Variants in CCNB3 observed in about 807,000 individuals in gnomAD.
The protein encoded by CCNB3 is G2/mitotic-specific cyclin-B3.
Under a neutral mutation model 68.0 loss-of-function variants are expected in CCNB3, and 12 were observed. The observed-to-expected ratio is 0.18, with a 90% CI of 0.11 to 0.29. CCNB3 has a LOEUF of 0.29. Ranked by LOEUF, CCNB3 falls within the 10% of genes least tolerant of loss-of-function variation. The probability of loss-of-function intolerance (pLI) is 1.00; values close to 1 mark genes in which losing one functional copy is unlikely to be tolerated. For missense variants in CCNB3, 904 were observed against 993.1 expected, an observed-to-expected ratio of 0.91 and a Z score of 1.21; for synonymous variants, 354 against 388.9, an observed-to-expected ratio of 0.91 and a Z score of 1.06.
intron 8 of CCNB3, among the ~76,000 whole-genome samples, chrX:50,333,939 C>G (rs1456941844): frequency 1.8e-5 from 2 of 111,628 alleles, no homozygotes; most frequent in Admixed American, 9.5e-5. Flanking sequence ...TGTCCTTTCC[C>G]CCAGAGTTTA....
intron 8 of CCNB3, among the ~76,000 whole-genome samples, chrX:50,339,353 C>A (rs143689907): frequency 3.0e-4 from 34 of 112,191 alleles, no homozygotes; most frequent in Non-Finnish European, 5.5e-4. Context: ...TGCATTCTTT[C>A]GAGTTTCTGA....
intron 5 of CCNB3, among the ~76,000 whole-genome samples, chrX:50,300,742 T>C (rs1936611464): frequency 8.9e-6 from 1 of 112,167 alleles, no homozygotes; most frequent in Non-Finnish European, 1.9e-5. Flanking sequence ...CCATCTTGGT[T>C]CCATTCTCCC....
chrX:50,218,589 T>A (rs1935618312), intron 1 of CCNB3, among the ~76,000 whole-genome samples: 1 of 111,837 alleles, frequency 8.9e-6, no homozygotes, highest in South Asian at 3.8e-4. Flanking sequence ...GCTTCATCCA[T>A]GTCCCTGCAA....
intron 1 of CCNB3, among the ~76,000 whole-genome samples, chrX:50,226,303 T>G (rs1320632169): frequency 4.9e-5 from 3 of 61,247 alleles, no homozygotes; most frequent in Non-Finnish European, 8.1e-5. Flanking sequence ...AATATATATA[T>G]AGAAATATAT....
chrX:50,227,250 T>C (rs1935880754), intron 1 of CCNB3, among the ~76,000 whole-genome samples: 1 of 74,337 alleles, frequency 1.3e-5, no homozygotes, highest in Non-Finnish European at 2.5e-5. Flanking sequence ...ATATACAGAA[T>C]ATATATATAA....
In CCNB3 at chrX:50,351,635, G is replaced by A. The variant is rs781837876; in HGVS notation, c.4120G>A (p.Ala1374Thr). 7 of 1,211,516 alleles carry A rather than the reference G, an allele frequency of 5.8e-6. No homozygotes were observed. In the Admixed American group the frequency reaches 1.5e-4, roughly 26 times the overall value. Residue 1374 changes from alanine to threonine, a missense_variant, in exon 13 of 13, where the codon GCC becomes ACC. Coordinates refer to ENST00000376042, the MANE Select transcript of CCNB3 (RefSeq NM_033031.3). ...PVFFEVAKIP[A>T]LDMLKLEEIL... ...CTTCTTTGAAGTCGCCAAAATCCCT[G>A]CCTTGGATATGTTGAAGCTGGAGGA... is the stretch of plus-strand genomic sequence containing the variant.
intron 8 of CCNB3, among the ~76,000 whole-genome samples, chrX:50,329,579 C>A (rs781924705): frequency 8.9e-6 from 1 of 112,709 alleles, no homozygotes; most frequent in Non-Finnish European, 1.9e-5. Flanking sequence ...AGCAGCCCCC[C>A]ACTCACCCTC....
At chrX:50,321,241 T>A (rs890032612) in intron 8 of CCNB3, among the ~76,000 whole-genome samples, 12 of 111,862 alleles carry the variant, frequency 1.1e-4, no homozygotes, top group Admixed American at 1.9e-4. Flanking sequence ...CAAAAGAAGT[T>A]ATATTTTTTA....
At chrX:50,295,057 C>T in intron 5 of CCNB3, 64 bp downstream of exon 5, 2 of 1,081,662 alleles carry the variant, frequency 1.8e-6, no homozygotes, top group East Asian at 3.1e-5. Context: ...TCCTTTTGTC[C>T]CCATTGAGAA....
intron 8 of CCNB3, among the ~76,000 whole-genome samples, chrX:50,314,957 A>G (rs1194473824): frequency 4.0e-4 from 1 of 2,524 alleles, no homozygotes; most frequent in Non-Finnish European, 0.026. Flanking sequence ...TAAATGGCTT[A>G]CAGAGAAAAA....
intron 12 of CCNB3, 99 bp downstream of exon 12, chrX:50,351,470 C>T (rs782517125): frequency 1.7e-4 from 185 of 1,096,444 alleles, no homozygotes; most frequent in Non-Finnish European, 2.2e-4. Context: ...GAAAAAGATT[C>T]AGGCACTTTT....
At chrX:50,342,090 G>T in intron 8 of CCNB3, 112 bp from the exon 9 acceptor site, 1 of 881,315 alleles carries the variant, frequency 1.1e-6, no homozygotes, top group East Asian at 3.2e-5. Flanking sequence ...CAGAGTCCCA[G>T]CTAGTCAGGA....
intron 1 of CCNB3, among the ~76,000 whole-genome samples, chrX:50,219,116 T>G (rs1332801024): frequency 8.9e-6 from 1 of 111,966 alleles, no homozygotes; most frequent in Non-Finnish European, 1.9e-5. Context: ...TTGATGGGGT[T>G]GTTTGTTTTT....
chrX:50,285,364 C>CGTTA, intron 3 of CCNB3, 105 bp downstream of exon 3: 1 of 628,605 alleles, frequency 1.6e-6, no homozygotes, highest in Non-Finnish European at 2.5e-6. Flanking sequence ...TCTGGTTTAA[C>CGTTA]CTGAGAAAGT....
intron 11 of CCNB3, among the ~76,000 whole-genome samples, chrX:50,350,329 T>C: frequency 9.0e-6 from 1 of 110,687 alleles, no homozygotes; most frequent in East Asian, 2.8e-4. Context: ...ATTTGGCAGA[T>C]TGGGAAACTG....
intron 1 of CCNB3, among the ~76,000 whole-genome samples, chrX:50,227,136 ATAGAATATATATACAATATATG>A (rs1935869007): frequency 1.2e-5 from 1 of 82,005 alleles, no homozygotes; most frequent in African/African-American, 5.0e-5. Context: ...ACAAAAATAT[ATAGAATATATATACAATATATG>A]TAGAATATAT....
intron 1 of CCNB3, among the ~76,000 whole-genome samples, chrX:50,206,724 G>T (rs1298501532): frequency 1.8e-5 from 2 of 110,061 alleles, no homozygotes; most frequent in Non-Finnish European, 3.8e-5. Context: ...AGACCAGCCT[G>T]GGCAACAGAG....
chrX:50,351,218 A>T lies in CCNB3; in HGVS notation c.3961-23A>T, dbSNP rs782808677. ...CGGTGTGCTTCCTATAGTAGAAATC[A>T]CTATTCATGCTGCTTCTTCCAGGTT... On this transcript the variant is annotated intron_variant, in intron 11 of 12. Transcript: ENST00000376042. 2.5e-6 allele frequency: 3 copies of T among 1,208,388 alleles called. No individual in the cohort carries two copies. In the South Asian group the frequency reaches 5.3e-5, roughly 21 times the overall value.
At chrX:50,208,245 T>C (rs1300461660) in intron 1 of CCNB3, among the ~76,000 whole-genome samples, 1 of 111,969 alleles carries the variant, frequency 8.9e-6, no homozygotes, top group Non-Finnish European at 1.9e-5. Context: ...GAGCTCATAT[T>C]ATCAATTAGT....
Sources: gnomAD v4.1 joint callset for allele counts (sites outside exome capture counted in the v4.1 genomes callset) on GRCh38, gnomAD v4.1.1 for gene constraint, MANE v1.5 for transcripts, NCBI Gene and HGNC (gene_info 2026-07-23, HGNC 2026-07-21) for gene names.